MS4A14: variants seen among roughly 807,000 people sequenced by gnomAD.
MS4A14 encodes the protein membrane spanning 4-domains A14.
MS4A14 carries 18 observed loss-of-function variants against 16.7 expected under a neutral mutation model. The observed-to-expected ratio is 1.08, with a 90% CI of 0.75 to 1.60. MS4A14 has a LOEUF of 1.60. Among genes scored for constraint, MS4A14 ranks in the 40% most tolerant of loss-of-function variants. The pLI is 0.00. For missense variants in MS4A14, 812 were observed against 775.3 expected, an observed-to-expected ratio of 1.05 and a Z score of -0.56; for synonymous variants, 305 against 289.4, an observed-to-expected ratio of 1.05 and a Z score of -0.55.
intron 4 of MS4A14, among the ~76,000 whole-genome samples, chr11:60,412,787 C>G (rs114716459): frequency 0.014 from 2,102 of 152,028 alleles, 49 homozygotes; most frequent in African/African-American, 0.048. Flanking sequence ...TAGTATAAAT[C>G]TTCCAACTTT....
At chr11:60,411,646 G>A (rs942642549) in intron 4 of MS4A14, among the ~76,000 whole-genome samples, 4 of 152,202 alleles carry the variant, frequency 2.6e-5, no homozygotes, top group African/African-American at 9.6e-5. Flanking sequence ...TCCTGTATTA[G>A]GTCTAGTAGC....
At chr11:60,411,937 C>A (rs2135148056) in intron 4 of MS4A14, among the ~76,000 whole-genome samples, 1 of 152,088 alleles carries the variant, frequency 6.6e-6, no homozygotes, top group East Asian at 1.9e-4. Flanking sequence ...GAGGAATTTT[C>A]CATCTCTTCC....
chr11:60,404,433 G>A (rs2085758264), intron 4 of MS4A14: 1 of 416,114 alleles, frequency 2.4e-6, no homozygotes, highest in East Asian at 7.0e-5. Flanking sequence ...ATGTAAATCT[G>A]AGCCATTACT....
At chr11:60,405,988 G>C in intron 4 of MS4A14, 1 of 1,505,484 alleles carries the variant, frequency 6.6e-7, no homozygotes, top group Non-Finnish European at 8.8e-7. Context: ...GTCAGATGAG[G>C]TGTGTTCTGA....
At chr11:60,406,946 C>A in intron 4 of MS4A14, among the ~76,000 whole-genome samples, 1 of 150,294 alleles carries the variant, frequency 6.7e-6, no homozygotes, top group African/African-American at 2.4e-5. Context: ...ATGCTGTTGC[C>A]TCTATCAAGA....
At chr11:60,397,423 T>C (rs1274852115) in intron 1 of MS4A14, among the ~76,000 whole-genome samples, 1 of 152,008 alleles carries the variant, frequency 6.6e-6, no homozygotes, top group Non-Finnish European at 1.5e-5. Flanking sequence ...CAAAAGCCTA[T>C]ACTGAGTGCT....
At chr11:60,396,801 A>G in intron 1 of MS4A14, 85 bp downstream of exon 1, 1 of 1,370,338 alleles carries the variant, frequency 7.3e-7, no homozygotes, top group Non-Finnish European at 9.8e-7. Context: ...ATATGCAGAG[A>G]TTATTTTCAG....
At chr11:60,404,273 C>T (rs1444613474) in intron 4 of MS4A14, among the ~76,000 whole-genome samples, 1 of 152,166 alleles carries the variant, frequency 6.6e-6, no homozygotes, top group East Asian at 1.9e-4. Flanking sequence ...CTTCCTAGTT[C>T]TCACTTACAT....
chr11:60,416,133 G>C lies in MS4A14; in HGVS notation c.1165G>C (p.Asp389His), dbSNP rs764818374. ...DMQSLDMLSQ[D>H]TPSHAMPPQD... is the part of the protein sequence containing the mutation. ...GCAATCCCTAGATATGCTATCTCAA[G>C]ACACACCATCCCACGCCATGCCACC... Residue 389 changes from aspartate (D) to histidine (H), a missense_variant, in exon 5 of 5, where the codon GAC (aspartate) becomes CAC (histidine). Coordinates refer to ENST00000300187, the MANE Select transcript of MS4A14 (RefSeq NM_032597.5). 7 of 1,610,780 alleles carry C rather than the reference G, an allele frequency of 4.3e-6. No homozygotes were observed. In the South Asian group the frequency reaches 5.5e-5, roughly 13 times the overall value.
intron 4 of MS4A14, among the ~76,000 whole-genome samples, chr11:60,405,655 T>C (rs575730619): frequency 6.6e-6 from 1 of 152,292 alleles, no homozygotes; most frequent in South Asian, 2.1e-4. Flanking sequence ...TACTCTCTAC[T>C]CTTTCCCTGT....
At chr11:60,404,995 A>T (rs1023311724) in intron 4 of MS4A14, among the ~76,000 whole-genome samples, 3 of 152,192 alleles carry the variant, frequency 2.0e-5, no homozygotes, top group Non-Finnish European at 4.4e-5. Context: ...AATATTGAAT[A>T]TTTAAGATTT....
chr11:60,397,792 G>C (rs554786023), intron 1 of MS4A14, 60 bp from the exon 2 acceptor site: 23 of 1,568,454 alleles, frequency 1.5e-5, no homozygotes, highest in Non-Finnish European at 1.9e-5. Context: ...TGAGGGACGT[G>C]GGGTAGCCCA....
At chr11:60,412,395 G>A (rs537819021) in intron 4 of MS4A14, among the ~76,000 whole-genome samples, 222 of 151,456 alleles carry the variant, frequency 1.5e-3, no homozygotes, top group Non-Finnish European at 2.3e-3. Context: ...TTTAGATTAC[G>A]AATCTTTTTA....
intron 4 of MS4A14, among the ~76,000 whole-genome samples, chr11:60,406,878 C>A (rs1461035948): frequency 1.3e-5 from 2 of 151,974 alleles, no homozygotes; most frequent in African/African-American, 2.4e-5. Context: ...AGTAAGTACT[C>A]TCTGTATATG....
intron 2 of MS4A14, 174 bp downstream of exon 2, chr11:60,398,154 T>C (rs2085658295): frequency 1.8e-6 from 1 of 552,330 alleles, no homozygotes; most frequent in Non-Finnish European, 3.1e-6. Context: ...CCATCATCAT[T>C]GTAATAACTA....
At chr11:60,406,188 C>G (rs913563793) in intron 4 of MS4A14, among the ~76,000 whole-genome samples, 1 of 152,196 alleles carries the variant, frequency 6.6e-6, no homozygotes, top group African/African-American at 2.4e-5. Context: ...CTATGCTTTC[C>G]TTTCTTGTAC....
At position 60,396,666 on chromosome 11, in the gene MS4A14, C is replaced by A. The variant is rs200017443; in HGVS notation, c.88C>A (p.Pro30Thr). The A allele has an allele frequency of 1.2e-6, 2 of 1,613,952 alleles. No individual in the cohort carries two copies. Among genetic ancestry groups the A allele is most frequent in the Non-Finnish European group, 1.7e-6 (2 of 1,179,958 alleles). ...TGTATTGACTGCATTTCCCTACAGACCTCATAGCTCTCTGCTGGATTTTCT... is the reference window on the plus strand; with the variant it reads ...TGTATTGACTGCATTTCCCTACAGAACTCATAGCTCTCTGCTGGATTTTCT... ...ETVLTAFPYR[P>T]HSSLLDFLKG... Residue 30 changes from proline (P) to threonine (T), a missense_variant, in exon 1 of 5, where the codon CCT (proline) becomes ACT (threonine). Physicochemically the swap from Pro to Thr is conservative, Grantham distance 38. Transcript: ENST00000300187.
At position 60,415,734 on chromosome 11, in the gene MS4A14, G is replaced by C; in HGVS notation, c.766G>C (p.Glu256Gln). The C allele has an allele frequency of 6.2e-7, 1 of 1,613,804 alleles. No homozygotes were observed. The highest frequency in any genetic ancestry group is 8.5e-7 in the Non-Finnish European group (1 of 1,179,868). Reference sequence around the variant, plus strand: ...AATTGAACCTTTGCCTCCCACACTAGAGAAAAAGCCCTCAGAAAATATGTC... The same window carrying C: ...AATTGAACCTTTGCCTCCCACACTACAGAAAAAGCCCTCAGAAAATATGTC... Reference protein sequence around the residue: ...EEIEPLPPTLEKKPSENMSIQ... With the variant: ...EEIEPLPPTLQKKPSENMSIQ... The change falls in exon 5 of 5, where the codon GAG becomes CAG. Residue 256 changes from glutamate to glutamine, a missense_variant. Glu to Gln is a conservative substitution (Grantham distance 29). Coordinates refer to ENST00000300187, the MANE Select transcript of MS4A14 (RefSeq NM_032597.5).
Position 60,416,044 on chromosome 11 carries a change from G to T in MS4A14, c.1076G>T (p.Gly359Val), listed in dbSNP as rs145539034. ...ACAGCTAATGACCTGCCCCCTCAAGGCATACTATCCCAAGACACATCATCT... is the reference window on the plus strand; with the variant it reads ...ACAGCTAATGACCTGCCCCCTCAAGTCATACTATCCCAAGACACATCATCT... The part of the protein sequence containing the change: ...NLTANDLPPQ[G>V]ILSQDTSSQD... Residue 359 changes from glycine (G) to valine (V), a missense_variant, in exon 5 of 5, where the codon GGC becomes GTC. Physicochemically the swap from Gly to Val is moderately radical, Grantham distance 109. Transcript: ENST00000300187. 2.4e-4 allele frequency: 387 copies of T among 1,613,316 alleles called. 2 individuals are homozygous for T. In the African/African-American group the frequency reaches 4.3e-3, roughly 18 times the overall value.
Sources: gnomAD v4.1 joint callset for allele counts (sites outside exome capture counted in the v4.1 genomes callset) on GRCh38, gnomAD v4.1.1 for gene constraint, MANE v1.5 for transcripts, NCBI Gene and HGNC (gene_info 2026-07-23, HGNC 2026-07-21) for gene names.